Variants in NCOR1 observed in about 807,000 individuals in gnomAD.
NCOR1 encodes the protein nuclear receptor corepressor 1.
In NCOR1, 63 loss-of-function variants were observed where a neutral mutation model predicts 288.1. The observed-to-expected ratio is 0.22, with a 90% CI of 0.18 to 0.27. The LOEUF is 0.27. Ranked by LOEUF, NCOR1 falls within the 10% of genes least tolerant of loss-of-function variation. The probability of loss-of-function intolerance (pLI) is 1.00; values close to 1 mark genes in which losing one functional copy is unlikely to be tolerated. For missense variants in NCOR1, 2,397 were observed against 3,019.2 expected (o/e 0.79, Z 4.83); for synonymous variants, 1,007 against 1,065.9 (o/e 0.94, Z 1.08).
At chr17:16,127,615 ATG>A (rs1384175798) in intron 14 of NCOR1, among the ~76,000 whole-genome samples, 28 of 142,730 alleles carry the variant, frequency 2.0e-4, no homozygotes, top group African/African-American at 7.1e-4. Flanking sequence ...ACATATGTGT[ATG>A]TGTATATATA....
chr17:16,143,564 TA>T (rs757547317), intron 11 of NCOR1, 41 bp downstream of exon 11: 4 of 1,499,262 alleles, frequency 2.7e-6, no homozygotes, highest in Non-Finnish European at 3.7e-6. Context: ...TAAAATGCTT[TA>T]ATAATTAACG....
chr17:16,082,127 C>T (rs1243442304), intron 23 of NCOR1, among the ~76,000 whole-genome samples: 1 of 151,848 alleles, frequency 6.6e-6, no homozygotes, highest in Non-Finnish European at 1.5e-5. Flanking sequence ...ATAATACAGA[C>T]TTTACAGAAT....
intron 14 of NCOR1, among the ~76,000 whole-genome samples, chr17:16,134,886 G>A (rs970265135): frequency 3.3e-5 from 5 of 152,180 alleles, no homozygotes; most frequent in South Asian, 2.1e-4. Context: ...GAGGCCGGGC[G>A]CCGTGGCTCA....
At chr17:16,050,592 T>C (rs1188542898) in intron 40 of NCOR1, among the ~76,000 whole-genome samples, 1 of 152,232 alleles carries the variant, frequency 6.6e-6, no homozygotes, top group East Asian at 1.9e-4. Context: ...TCTGGAATTA[T>C]GACTATTAGA....
At position 16,101,735 on chromosome 17, in the gene NCOR1, C is replaced by G. The variant is rs764921586; in HGVS notation, c.2205G>C (p.Glu735Asp). 4 of 1,614,184 alleles carry G rather than the reference C, an allele frequency of 2.5e-6. No homozygotes were observed. The South Asian group carries it at 4.4e-5, about 18-fold the overall frequency. Residue 735 changes from glutamate (E) to aspartate (D), a missense_variant, in exon 20 of 46, where the codon GAG becomes GAC. Physicochemically the swap from Glu to Asp is conservative, Grantham distance 45. Transcript: ENST00000268712. ...DSEVEAVKPS[E>D]DSPENATSRG... ...GAGAAGTAGCATTTTCAGGACTGTCCTCGCTGGGCTTGACAGCTTCAACTG... is the reference window on the plus strand; with the variant it reads ...GAGAAGTAGCATTTTCAGGACTGTCGTCGCTGGGCTTGACAGCTTCAACTG...
chr17:16,153,529 T>C, intron 6 of NCOR1, 134 bp from the exon 7 acceptor site: 1 of 515,482 alleles, frequency 1.9e-6, no homozygotes, highest in South Asian at 4.5e-5. Flanking sequence ...CCTTCTTCTA[T>C]ATGACAGGCT....
chr17:16,047,083 G>C lies in NCOR1; in HGVS notation c.6547C>G (p.Arg2183Gly), dbSNP rs190623603. ...AEPAEQRNDA[R>G]SPGSISYLPS... ...AAGTAGCTTATACTCCCTGGTGAGC[G>C]GGCATCATTCCTGTTAGGGCCAAAG... Residue 2183 changes from arginine to glycine, a missense_variant, in exon 42 of 46, where the codon CGC becomes GGC. Arg to Gly is a moderately radical substitution (Grantham distance 125). This residue lies in a region of NCOR1 where 1,872 missense variants were observed against 2,187.8 expected (regional missense o/e 0.86). Coordinates refer to ENST00000268712, the MANE Select transcript of NCOR1 (RefSeq NM_006311.4). 12 of 1,611,896 alleles carry C rather than the reference G, an allele frequency of 7.4e-6. No individual in the cohort carries two copies. Among genetic ancestry groups the C allele is most frequent in the Admixed American group, 1.7e-5 (1 of 59,706 alleles).
Position 16,153,357 on chromosome 17 carries a change from A to C in NCOR1, c.771T>G (p.Leu257=), listed in dbSNP as rs1223655569. 6.2e-7 allele frequency: 1 copy of C among 1,600,976 alleles called. No individual in the cohort carries two copies. Among genetic ancestry groups the C allele is most frequent in the Non-Finnish European group, 8.5e-7 (1 of 1,173,322 alleles). The change falls in exon 7 of 46, where the codon CTT becomes CTG. Residue 257 remains leucine, a synonymous_variant. Coordinates refer to ENST00000268712, the MANE Select transcript of NCOR1 (RefSeq NM_006311.4). The part of the protein sequence containing the change: ...AEEAHKIFEG[L]GPKVELPLYN... ...TACTTACCAGTTCAACTTTTGGGCC[A>C]AGACCTTCAAAAATTTTATGAGCTT...
chr17:16,071,682 G>A lies in NCOR1; in HGVS notation c.3896-17C>T, dbSNP rs923145237. ...TTGGTGTCCCTTGAAAAAGAATTCA[G>A]GAAACATTAAAATAATGCTGATGGT... On this transcript the variant is annotated splice_polypyrimidine_tract_variant and intron_variant, in intron 29 of 45. Coordinates refer to ENST00000268712, the MANE Select transcript of NCOR1 (RefSeq NM_006311.4). The A allele has an allele frequency of 6.2e-7, 1 of 1,603,204 alleles. No individual in the cohort carries two copies. Among genetic ancestry groups the A allele is most frequent in the Non-Finnish European group, 8.5e-7 (1 of 1,174,678 alleles).
intron 21 of NCOR1, among the ~76,000 whole-genome samples, chr17:16,092,393 A>C (rs1417079671): frequency 1.3e-5 from 2 of 151,888 alleles, no homozygotes; most frequent in Non-Finnish European, 2.9e-5. Context: ...AGGCTGACAC[A>C]TGAGAATCAC....
chr17:16,199,216 A>ACACACACAC lies in NCOR1; in HGVS notation c.-70-4578_-70-4577insGTGTGTGTG, dbSNP rs1555813813. The stretch of plus-strand genomic sequence containing the variant: ...CCCAATACAGAAGGAAAAAAAAAAA[A>ACACACACAC]ACACACACACACACACACACACACA... On this transcript the variant is annotated intron_variant, in intron 1 of 45. Transcript: ENST00000268712. 1.9e-4 allele frequency among the ~76,000 whole-genome samples: 23 copies of ACACACACAC among 122,312 alleles called. 1 individual carries two copies. The East Asian group carries it at 2.3e-3, about 12-fold the overall frequency. The allele number at this position is 122,312 out of a possible 152,430, so 80.2% of individuals were successfully genotyped here.
chr17:16,062,316 C>A (rs2152627811), intron 35 of NCOR1, 46 bp from the exon 36 acceptor site: 1 of 1,525,834 alleles, frequency 6.6e-7, no homozygotes, highest in Non-Finnish European at 8.7e-7. Context: ...AAGGAGGAAG[C>A]CAGAGACAAA....
chr17:16,046,201 G>C (rs2058623339), intron 42 of NCOR1, among the ~76,000 whole-genome samples: 1 of 152,178 alleles, frequency 6.6e-6, no homozygotes, highest in Admixed American at 6.5e-5. Flanking sequence ...AGCTGGACTG[G>C]AGCAAGCACA....
intron 1 of NCOR1, among the ~76,000 whole-genome samples, chr17:16,196,667 T>C (rs1034028045): frequency 1.5e-4 from 23 of 150,614 alleles, no homozygotes; most frequent in Non-Finnish European, 4.4e-5. Flanking sequence ...CTACTAAAAA[T>C]ACAAAAAAGT....
chr17:16,142,491 C>T (rs116835734), intron 11 of NCOR1, among the ~76,000 whole-genome samples: 1,684 of 152,020 alleles, frequency 0.011, 31 homozygotes, highest in African/African-American at 0.038. Flanking sequence ...TACTAGATGG[C>T]TTTTGGAACA....
intron 18 of NCOR1, among the ~76,000 whole-genome samples, chr17:16,112,540 G>A (rs1003852798): frequency 4.6e-5 from 7 of 152,036 alleles, no homozygotes; most frequent in South Asian, 2.1e-4. Context: ...TCTGTCGCCC[G>A]GCTGGAGTAC....
intron 9 of NCOR1, among the ~76,000 whole-genome samples, chr17:16,146,981 A>G (rs2078082390): frequency 6.6e-6 from 1 of 152,222 alleles, no homozygotes; most frequent in African/African-American, 2.4e-5. Context: ...CTGCGAAACA[A>G]AACACACACG....
At chr17:16,135,964 G>C (rs59805617) in intron 14 of NCOR1, among the ~76,000 whole-genome samples, 4,760 of 152,232 alleles carry the variant, frequency 0.031, 252 homozygotes, top group African/African-American at 0.11. Context: ...GCTCATGCAT[G>C]CAAGTCCTTA....
chr17:16,132,278 G>A (rs769996781), intron 14 of NCOR1, among the ~76,000 whole-genome samples: 2 of 152,148 alleles, frequency 1.3e-5, no homozygotes, highest in Non-Finnish European at 2.9e-5. Flanking sequence ...TTTACTGCAG[G>A]TAACTAGCAA....
Sources: allele counts gnomAD v4.1 joint callset (sites outside exome capture counted in the v4.1 genomes callset), GRCh38; gene constraint gnomAD v4.1.1; regional missense constraint gnomAD v4.1.1; transcripts MANE v1.5; gene names NCBI Gene and HGNC (gene_info 2026-07-23, HGNC 2026-07-21).